Variants in GATA4 observed in about 807,000 individuals in gnomAD.
The protein encoded by GATA4 is transcription factor GATA-4.
Under a neutral mutation model 37.9 loss-of-function variants are expected in GATA4, and 7 were observed. The ratio of observed to expected loss-of-function variants is 0.18; its 90% CI spans 0.11 to 0.35. GATA4 has a LOEUF of 0.35. GATA4 is among the 10% of genes least tolerant of loss of function. GATA4 has a pLI of 1.00. For missense variants in GATA4, 647 were observed against 653.0 expected, an observed-to-expected ratio of 0.99 and a Z score of 0.10; for synonymous variants, 372 against 292.6, an observed-to-expected ratio of 1.27 and a Z score of -2.77.
chr8:11,691,198 A>C (rs908560390), upstream of GATA4, among the ~76,000 whole-genome samples: 2 of 152,234 alleles, frequency 1.3e-5, no homozygotes, highest in African/African-American at 4.8e-5. Context: ...TTCATCTGCA[A>C]TCCAAGCCTT....
upstream of GATA4, among the ~76,000 whole-genome samples, chr8:11,690,502 G>C (rs111932791): frequency 2.0e-5 from 3 of 152,160 alleles, no homozygotes; most frequent in African/African-American, 7.2e-5. Context: ...TGTGATAAAG[G>C]CTGTAGAAAC....
chr8:11,692,647 G>T, exon 1 of GATA4: 1 of 985,204 alleles, frequency 1.0e-6, no homozygotes. Context: ...CGCCTCAGCC[G>T]ACCTCCACCG....
At chr8:11,733,373 G>A (rs182934673) in intron 2 of GATA4, among the ~76,000 whole-genome samples, 266 of 152,346 alleles carry the variant, frequency 1.7e-3, no homozygotes, top group African/African-American at 5.9e-3. Flanking sequence ...TAAGAAAGGG[G>A]AACTTGCCTT....
intron 2 of GATA4, among the ~76,000 whole-genome samples, chr8:11,728,105 C>T (rs34030000): frequency 1.6e-4 from 25 of 152,250 alleles, no homozygotes; most frequent in African/African-American, 5.8e-4. Context: ...ATTCTCCTGC[C>T]TCAGCCTCCC....
chr8:11,735,652 T>G (rs1801417829), intron 2 of GATA4, among the ~76,000 whole-genome samples: 1 of 152,194 alleles, frequency 6.6e-6, no homozygotes, highest in Non-Finnish European at 1.5e-5. Flanking sequence ...AACCTCCTCC[T>G]TCCGGGTTCA....
At chr8:11,681,250 C>T (rs1798961642) in intron 1 of GATA4, 2 of 985,284 alleles carry the variant, frequency 2.0e-6, no homozygotes, top group Non-Finnish European at 2.4e-6. Context: ...TACAGCTCGT[C>T]TGGGAGCGAC....
At chr8:11,751,320 A>G (rs770391212) in intron 4 of GATA4, among the ~76,000 whole-genome samples, 3 of 152,336 alleles carry the variant, frequency 2.0e-5, no homozygotes, top group Non-Finnish European at 2.9e-5. Flanking sequence ...CACTATTTTT[A>G]TAAATATGAG....
At chr8:11,711,164 T>C (rs1003266217) in intron 2 of GATA4, among the ~76,000 whole-genome samples, 1 of 152,222 alleles carries the variant, frequency 6.6e-6, no homozygotes, top group Admixed American at 6.5e-5. Flanking sequence ...GATTTTGAAA[T>C]GTCAGCCATG....
chr8:11,720,050 G>A (rs754092615), intron 2 of GATA4, among the ~76,000 whole-genome samples: 1 of 151,978 alleles, frequency 6.6e-6, no homozygotes, highest in East Asian at 1.9e-4. Flanking sequence ...CCCAGCAGCC[G>A]CAGGGAGGTG....
In GATA4 at chr8:11,708,336, C is replaced by G. The variant is rs1324224105; in HGVS notation, c.24C>G (p.Ala8=). 6.9e-6 allele frequency: 11 copies of G among 1,584,284 alleles called. No homozygotes were observed. The highest frequency in any genetic ancestry group is 1.8e-4 in the Middle Eastern group (1 of 5,544). Residue 8 remains alanine (A), a synonymous_variant, in exon 2 of 7, where the codon GCC becomes GCG. Coordinates refer to ENST00000532059, the MANE Select transcript of GATA4 (RefSeq NM_001308093.3). This position sits in a 1 kb window ranked among gnomAD's most constrained non-coding sequence, Gnocchi z 6.7. MYQSLAM[A]ANHGPPPGAY... ...CCATGTATCAGAGCTTGGCCATGGC[C>G]GCCAACCACGGGCCGCCCCCCGGTG...
chr8:11,740,882 C>T (rs756855080), intron 2 of GATA4, among the ~76,000 whole-genome samples: 1 of 152,012 alleles, frequency 6.6e-6, no homozygotes, highest in Non-Finnish European at 1.5e-5. Context: ...TACAGGCGTG[C>T]ACCAACATGC....
intron 2 of GATA4, among the ~76,000 whole-genome samples, chr8:11,717,315 A>G (rs1307811805): frequency 6.6e-6 from 1 of 152,244 alleles, no homozygotes; most frequent in Non-Finnish European, 1.5e-5. Flanking sequence ...CTGGCTAACA[A>G]CTTTTTAGCG....
At chr8:11,684,582 T>C (rs1357959642) in intron 1 of GATA4, among the ~76,000 whole-genome samples, 2 of 152,226 alleles carry the variant, frequency 1.3e-5, no homozygotes, top group African/African-American at 4.8e-5. Context: ...AATGTTGTGA[T>C]TTGAATTCCA....
chr8:11,723,835 C>T (rs1800788748), intron 2 of GATA4, among the ~76,000 whole-genome samples: 2 of 152,116 alleles, frequency 1.3e-5, no homozygotes, highest in African/African-American at 4.8e-5. Context: ...ATAAAATGTA[C>T]CGTTTTAGCC....
At chr8:11,692,952 G>A (rs1204838311) in intron 1 of GATA4, 1 of 985,020 alleles carries the variant, frequency 1.0e-6, no homozygotes, top group African/African-American at 1.7e-5. Flanking sequence ...TCATCAATAA[G>A]GCCTGCCAGG....
At chr8:11,692,144 TCAGGTAA>T (rs1799334120), upstream of GATA4, 1 of 618,798 alleles carries the variant, frequency 1.6e-6, no homozygotes, top group South Asian at 7.2e-5. Flanking sequence ...CCTAATGGCC[TCAGGTAA>T]CAGCCCAGCA....
At chr8:11,729,170 C>T (rs113217051) in intron 2 of GATA4, among the ~76,000 whole-genome samples, 34 of 152,212 alleles carry the variant, frequency 2.2e-4, no homozygotes, top group African/African-American at 8.2e-4. Context: ...TTGCAGTGAG[C>T]CATGATCGTG....
intron 2 of GATA4, among the ~76,000 whole-genome samples, chr8:11,729,003 T>C (rs1179907407): frequency 1.3e-5 from 2 of 150,710 alleles, no homozygotes; most frequent in East Asian, 4.0e-4. Flanking sequence ...GAGGTCGAGG[T>C]GGGAGGATCA....
chr8:11,751,660 T>C (rs2645399), intron 4 of GATA4, among the ~76,000 whole-genome samples: 98,220 of 152,106 alleles, frequency 0.65, 32,467 homozygotes, highest in East Asian at 0.88. Flanking sequence ...GCAAAAGATA[T>C]GGACTGACAT....
Sources: gnomAD v4.1 joint callset for allele counts (sites outside exome capture counted in the v4.1 genomes callset) on GRCh38, gnomAD v4.1.1 for gene constraint, Gnocchi (gnomAD v3.1) non-coding constraint, MANE v1.5 for transcripts, NCBI Gene and HGNC (gene_info 2026-07-23, HGNC 2026-07-21) for gene names.